Variants in NCKAP1L observed in about 807,000 individuals in gnomAD.
The protein encoded by NCKAP1L is NCK associated protein 1 like.
Under a neutral mutation model 139.2 loss-of-function variants are expected in NCKAP1L, and 53 were observed. The observed-to-expected ratio is 0.38, with a 90% CI of 0.31 to 0.48. The LOEUF is 0.48. NCKAP1L is among the 20% of genes least tolerant of loss of function. NCKAP1L has a pLI of 0.98. For missense variants in NCKAP1L, 1,151 were observed against 1,381.9 expected, an observed-to-expected ratio of 0.83 and a Z score of 2.65; for synonymous variants, 468 against 499.7, an observed-to-expected ratio of 0.94 and a Z score of 0.85.
chr12:54,510,363 A>G, intron 7 of NCKAP1L: 1 of 427,436 alleles, frequency 2.3e-6, no homozygotes, highest in Non-Finnish European at 4.6e-6. Flanking sequence ...TTACTCTGTC[A>G]CCCAGGCTGG....
intron 9 of NCKAP1L, among the ~76,000 whole-genome samples, chr12:54,514,210 AT>A (rs1401566252): frequency 8.5e-5 from 13 of 152,184 alleles, no homozygotes; most frequent in Non-Finnish European, 1.9e-4. Context: ...TATTTACAAA[AT>A]CCTCTATTGA....
At chr12:54,539,057 C>A in intron 30 of NCKAP1L, 84 bp downstream of exon 30, 1 of 1,174,830 alleles carries the variant, frequency 8.5e-7, no homozygotes, top group Admixed American at 1.8e-5. Context: ...TGCATCCTTG[C>A]CATTCTTGTC....
At chr12:54,523,764 T>A (rs1957005578) in intron 19 of NCKAP1L, 61 bp from the exon 20 acceptor site, 5 of 1,572,510 alleles carry the variant, frequency 3.2e-6, no homozygotes, top group Non-Finnish European at 4.3e-6. Context: ...GCCCAACACG[T>A]CCTTCCTAGA....
At chr12:54,501,505 A>G (rs1385011852) in intron 3 of NCKAP1L, among the ~76,000 whole-genome samples, 1 of 86,176 alleles carries the variant, frequency 1.2e-5, no homozygotes, top group Non-Finnish European at 2.0e-5. Context: ...TAATTCTATT[A>G]TTAACTTTTT....
chr12:54,498,956 C>T (rs542035243), intron 1 of NCKAP1L: 99 of 232,192 alleles, frequency 4.3e-4, no homozygotes, highest in South Asian at 1.7e-3. Context: ...TTCGGAGTCT[C>T]GCTCTGTCGC....
intron 30 of NCKAP1L, among the ~76,000 whole-genome samples, chr12:54,540,648 G>A (rs913106118): frequency 2.0e-5 from 3 of 152,234 alleles, no homozygotes; most frequent in African/African-American, 7.2e-5. Flanking sequence ...GTTAGTTCCT[G>A]CTGTCTGCAG....
rs759570909 is a variant in NCKAP1L at position 54,518,959 on chromosome 12, G to T, written c.1466G>T (p.Trp489Leu). ...GAATTCTCAGGATTGAGGCTGGACT[G>T]GTTCCGCCTACAGGTAATGATCTGT... ...KFEFSGLRLD[W>L]FRLQAYTSVA... The change falls in exon 15 of 31, where the codon TGG becomes TTG. Residue 489 changes from tryptophan to leucine, a missense_variant. Trp to Leu is a moderately conservative substitution (Grantham distance 61). Coordinates refer to ENST00000293373, the MANE Select transcript of NCKAP1L (RefSeq NM_005337.5). The T allele has an allele frequency of 6.2e-7, 1 of 1,613,518 alleles. No individual in the cohort carries two copies.
chr12:54,535,389 A>C (rs535103530), intron 27 of NCKAP1L, among the ~76,000 whole-genome samples, 192 bp downstream of exon 27: 111 of 152,290 alleles, frequency 7.3e-4, no homozygotes, highest in African/African-American at 2.3e-3. Flanking sequence ...TCAGGTTTCA[A>C]CTAGTTGATC....
chr12:54,540,551 T>C (rs1285605606), intron 30 of NCKAP1L, among the ~76,000 whole-genome samples: 2 of 152,186 alleles, frequency 1.3e-5, no homozygotes, highest in African/African-American at 4.8e-5. Flanking sequence ...TCCATAAAAG[T>C]GGGTAATAAT....
At position 54,507,875 on chromosome 12, in the gene NCKAP1L, A is replaced by G. The variant is rs1956855235; in HGVS notation, c.329A>G (p.Asn110Ser). The G allele has an allele frequency of 6.2e-7, 1 of 1,614,016 alleles. No homozygotes were observed. The highest frequency in any genetic ancestry group is 1.3e-5 in the African/African-American group (1 of 75,012). Residue 110 changes from asparagine (N) to serine (S), a missense_variant, in exon 4 of 31, where the codon AAC (asparagine) becomes AGC (serine). Coordinates refer to ENST00000293373, the MANE Select transcript of NCKAP1L (RefSeq NM_005337.5). ...EFRDHVYELL[N>S]TIDACQCHFD... ...CAGGATCATGTATATGAACTTCTCA[A>G]CACCATTGATGCCTGCCAGTGCCAT...
rs1956929729 is a variant in NCKAP1L at position 54,516,187 on chromosome 12, G to A, written c.942-52G>A. On this transcript the variant is annotated intron_variant, in intron 9 of 30. Coordinates refer to ENST00000293373, the MANE Select transcript of NCKAP1L (RefSeq NM_005337.5). The stretch of plus-strand genomic sequence containing the variant: ...TCTGAGGACTGGGAAGGTGAGGCAA[G>A]GGCCCTAATGGGTAGCATGGTCAAC... 37 of 1,597,196 alleles carry A rather than the reference G, an allele frequency of 2.3e-5. 2 individuals carry two copies. In the South Asian group the frequency reaches 3.8e-4, roughly 16 times the overall value.
At chr12:54,509,108 T>G (rs958194292) in intron 5 of NCKAP1L, among the ~76,000 whole-genome samples, 4 of 152,172 alleles carry the variant, frequency 2.6e-5, no homozygotes, top group African/African-American at 9.7e-5. Context: ...AACTAATGCG[T>G]GATAATACAT....
rs1391153439 is a variant in NCKAP1L, at chr12:54,511,667, A to G, written c.736-136A>G. The G allele has an allele frequency of 4.7e-6, 4 of 842,296 alleles. No individual in the cohort carries two copies. In the South Asian group the frequency reaches 5.1e-5, roughly 11 times the overall value. The allele number at this position is 842,296 out of a possible 1,614,324, so 52.2% of individuals were successfully genotyped here. On this transcript the variant is annotated intron_variant, in intron 7 of 30. Coordinates refer to ENST00000293373, the MANE Select transcript of NCKAP1L (RefSeq NM_005337.5). ...AGCTATCCTCCTGCCCCTGCCTCCT[A>G]AAGTGTTGGGATTAAAGGCGTTAGC...
chr12:54,513,385 G>A (rs1360014256), intron 9 of NCKAP1L, among the ~76,000 whole-genome samples: 1 of 152,192 alleles, frequency 6.6e-6, no homozygotes, highest in Non-Finnish European at 1.5e-5. Flanking sequence ...CTGGAACTTG[G>A]GAGTGAGGTC....
At chr12:54,529,621 C>T (rs1434699918) in intron 22 of NCKAP1L, among the ~76,000 whole-genome samples, 1 of 152,182 alleles carries the variant, frequency 6.6e-6, no homozygotes, top group Non-Finnish European at 1.5e-5. Flanking sequence ...TACGCTTTAC[C>T]TGCTGCAGGT....
rs748816971 is a variant in NCKAP1L, at chr12:54,497,884, T to A, written c.95T>A (p.Ile32Asn). 10 of 1,595,238 alleles carry A rather than the reference T, an allele frequency of 6.3e-6. No individual in the cohort carries two copies. The African/African-American group carries it at 1.1e-4, about 17-fold the overall frequency. Reference sequence around the variant, plus strand: ...GGGGTTCTCATCCGTATGTATAACATCAAGAAGGTAAGCATGAACAATGGG... The same window carrying A: ...GGGGTTCTCATCCGTATGTATAACAACAAGAAGGTAAGCATGAACAATGGG... ...GQGVLIRMYNIKKTCSDPKSK... is the reference protein window; with the variant it reads ...GQGVLIRMYNNKKTCSDPKSK... Residue 32 changes from isoleucine (I) to asparagine (N), a missense_variant, in exon 1 of 31, where the codon ATC becomes AAC. Coordinates refer to ENST00000293373, the MANE Select transcript of NCKAP1L (RefSeq NM_005337.5).
Position 54,517,556 on chromosome 12 carries a change from G to A in NCKAP1L, c.1119G>A (p.Leu373=), listed in dbSNP as rs761199084. ...GPKALFAFMA[L]SFIRDEVTWL... ...AGGCTCTTTTTGCTTTCATGGCCCT[G>A]TCCTTCATTCGTGATGAGGTCACCT... Residue 373 remains leucine (L), a synonymous_variant, in exon 12 of 31, where the codon CTG becomes CTA. Transcript: ENST00000293373. 2.5e-5 allele frequency: 41 copies of A among 1,613,938 alleles called. No homozygotes were observed. Among genetic ancestry groups the A allele is most frequent in the Non-Finnish European group, 3.0e-5 (35 of 1,179,978 alleles).
intron 29 of NCKAP1L, among the ~76,000 whole-genome samples, chr12:54,538,389 T>C (rs894790895): frequency 6.6e-6 from 1 of 152,340 alleles, no homozygotes; most frequent in African/African-American, 2.4e-5. Flanking sequence ...TGGGATACAA[T>C]GAATCATGTT....
chr12:54,515,905 C>A (rs1956926414), intron 9 of NCKAP1L, among the ~76,000 whole-genome samples: 1 of 152,120 alleles, frequency 6.6e-6, no homozygotes, highest in Non-Finnish European at 1.5e-5. Context: ...TGGAAGAGTA[C>A]CTTGATTTGA....
Sources: allele counts gnomAD v4.1 joint callset (sites outside exome capture counted in the v4.1 genomes callset), GRCh38; gene constraint gnomAD v4.1.1; transcripts MANE v1.5; gene names NCBI Gene and HGNC (gene_info 2026-07-23, HGNC 2026-07-21).